Variants in IRAG1 observed in about 807,000 individuals in gnomAD.
IRAG1 encodes inositol 1,4,5-triphosphate receptor associated 1.
Under a neutral mutation model 106.2 loss-of-function variants are expected in IRAG1, and 62 were observed. The ratio of observed to expected loss-of-function variants is 0.58; its 90% CI spans 0.48 to 0.72. The LOEUF is 0.72. IRAG1 is among the 30% of genes least tolerant of loss of function. The pLI, the probability that IRAG1 is intolerant of heterozygous loss-of-function variation, is 0.00. For synonymous variants in IRAG1, 462 were observed against 443.9 expected (o/e 1.04, Z -0.51); for missense variants, 1,064 against 1,140.7 (o/e 0.93, Z 0.97).
intron 11 of IRAG1, among the ~76,000 whole-genome samples, chr11:10,608,188 A>C (rs964681613): frequency 6.6e-6 from 1 of 152,132 alleles, no homozygotes; most frequent in Non-Finnish European, 1.5e-5. Context: ...GGATCACTGC[A>C]GAGGTGGCTT....
At chr11:10,664,693 T>C (rs115344121) in intron 1 of IRAG1, among the ~76,000 whole-genome samples, 3,424 of 152,246 alleles carry the variant, frequency 0.022, 128 homozygotes, top group African/African-American at 0.078. Flanking sequence ...ATCACAGTGA[T>C]TGGCTGGAGG....
intron 1 of IRAG1, among the ~76,000 whole-genome samples, chr11:10,658,215 T>C (rs774989467): frequency 6.6e-6 from 1 of 152,212 alleles, no homozygotes; most frequent in East Asian, 1.9e-4. Flanking sequence ...GTGAGCCGGA[T>C]GGGAAGCCTG....
At chr11:10,690,669 G>A (rs1302353617) in intron 1 of IRAG1, among the ~76,000 whole-genome samples, 1 of 152,154 alleles carries the variant, frequency 6.6e-6, no homozygotes, top group Non-Finnish European at 1.5e-5. Flanking sequence ...TTACTAACTA[G>A]CGGCAGGGTG....
At chr11:10,620,423 G>A (rs186839062) in intron 10 of IRAG1, among the ~76,000 whole-genome samples, 217 of 152,134 alleles carry the variant, frequency 1.4e-3, no homozygotes, top group Non-Finnish European at 2.3e-3. Context: ...AATGTATCAA[G>A]TTTACATATA....
intron 1 of IRAG1, among the ~76,000 whole-genome samples, chr11:10,679,103 C>G (rs891635095): frequency 2.0e-5 from 3 of 152,160 alleles, no homozygotes; most frequent in Non-Finnish European, 4.4e-5. Context: ...TGTGTCTATA[C>G]TGCTCCTTGG....
At chr11:10,690,531 G>A (rs1387202350) in intron 1 of IRAG1, among the ~76,000 whole-genome samples, 1 of 152,152 alleles carries the variant, frequency 6.6e-6, no homozygotes, top group African/African-American at 2.4e-5. Context: ...AGGCTGCCCT[G>A]GACTGTCGCC....
chr11:10,603,827 T>TAATGGAAAGGTGGTAGTCTGCAA (rs1341754027), intron 13 of IRAG1, among the ~76,000 whole-genome samples: 2 of 152,208 alleles, frequency 1.3e-5, no homozygotes, highest in South Asian at 2.1e-4. Context: ...ATGTAAGATA[T>TAATGGAAAGGTGGTAGTCTGCAA]AATGGAAAGG....
rs181902781 is a variant in IRAG1, at chr11:10,663,674, C to A, written c.68-11492G>T. ...TGGTTTCTGTTTCTCATTTGCAAAG[C>A]CTGAGGGCAGATAGCTTTCTTTTGT... On this transcript the variant is annotated intron_variant, in intron 1 of 20. Transcript: ENST00000423302. Among the ~76,000 whole-genome samples the A allele has an allele frequency of 3.7e-3, 560 of 152,304 alleles. 2 individuals are homozygous for A. The highest frequency in any genetic ancestry group is 5.6e-3 in the Non-Finnish European group (378 of 68,018).
chr11:10,639,452 G>A (rs1181303574), intron 2 of IRAG1, among the ~76,000 whole-genome samples: 10 of 152,172 alleles, frequency 6.6e-5, no homozygotes, highest in Non-Finnish European at 1.3e-4. Context: ...CGTGATCCAC[G>A]TGGCGCAGAC....
chr11:10,658,710 TCA>T, intron 1 of IRAG1: 1 of 196,486 alleles, frequency 5.1e-6, no homozygotes, highest in Non-Finnish European at 1.0e-5. Context: ...TGTGCTGTGG[TCA>T]GTCCCAGGTC....
chr11:10,582,021 A>T, intron 18 of IRAG1, 35 bp from the exon 19 acceptor site: 1 of 1,585,008 alleles, frequency 6.3e-7, no homozygotes, highest in Non-Finnish European at 8.6e-7. Context: ...GCATCATTTC[A>T]GAAAAAGGTG....
rs573130885 is a variant in IRAG1, at chr11:10,600,906, C to G, written c.2017+12G>C. The G allele has an allele frequency of 1.1e-5, 18 of 1,613,974 alleles. No individual in the cohort carries two copies. The South Asian group carries it at 2.0e-4, about 18-fold the overall frequency. On this transcript the variant is annotated intron_variant, in intron 15 of 20. Transcript: ENST00000423302. ...TGTAGGGCCAAGATGGGGCAGGAGC[C>G]TAGGTCCTTACCAGAGGGGCCACAG... is the stretch of plus-strand genomic sequence containing the variant.
In IRAG1 at chr11:10,631,895, C is replaced by A. The variant is rs77974559; in HGVS notation, c.400+96G>T. 12 of 954,670 alleles carry A rather than the reference C, an allele frequency of 1.3e-5. No individual in the cohort carries two copies. In the African/African-American group the frequency reaches 1.8e-4, roughly 14 times the overall value. 59.1% of individuals were successfully genotyped at this position (954,670 alleles called of 1,614,324 possible). On this transcript the variant is annotated intron_variant, in intron 4 of 20. Coordinates refer to ENST00000423302, the MANE Select transcript of IRAG1 (RefSeq NM_130385.4). ...TCCTGTTGGACTTATCGGGAGGGAG[C>A]GCCTTAAAGAGCAGGAGAGAGGAAG...
At chr11:10,602,427 GC>G (rs1210669934) in intron 14 of IRAG1, among the ~76,000 whole-genome samples, 1 of 152,166 alleles carries the variant, frequency 6.6e-6, no homozygotes. Flanking sequence ...TCAGTAAGGG[GC>G]CCAAGGTCAC....
chr11:10,635,936 G>A (rs1247430870), intron 2 of IRAG1, among the ~76,000 whole-genome samples: 1 of 152,192 alleles, frequency 6.6e-6, no homozygotes, highest in East Asian at 1.9e-4. Flanking sequence ...TACAGTGGCT[G>A]AAGGAAGAGG....
intron 10 of IRAG1, among the ~76,000 whole-genome samples, chr11:10,612,543 C>T (rs10466518): frequency 0.054 from 8,214 of 151,736 alleles, 504 homozygotes; most frequent in African/African-American, 0.15. Flanking sequence ...AACTAACCTA[C>T]AATACAATAT....
chr11:10,600,887 G>A (rs777727810), intron 15 of IRAG1, 31 bp downstream of exon 15: 1 of 1,612,972 alleles, frequency 6.2e-7, no homozygotes, highest in South Asian at 1.1e-5. Flanking sequence ...ACCTTGTAGG[G>A]CCAAGATGGG....
chr11:10,626,093 G>A lies in IRAG1; in HGVS notation c.1241C>T (p.Pro414Leu). ...AAAACGCTTTTCTTCCTCTGCCAGT[G>A]GCAGCTTGGCAAGCACTTTCTGCAG... is the stretch of plus-strand genomic sequence containing the variant. The part of the protein sequence containing the change: ...PRLQKVLAKL[P>L]LAEEEKRFAG... Residue 414 changes from proline (P) to leucine (L), a missense_variant, in exon 9 of 21, where the codon CCA becomes CTA. Coordinates refer to ENST00000423302, the MANE Select transcript of IRAG1 (RefSeq NM_130385.4). 6.5e-7 allele frequency: 1 copy of A among 1,545,036 alleles called. No homozygotes were observed. The highest frequency in any genetic ancestry group is 8.7e-7 in the Non-Finnish European group (1 of 1,145,380).
At chr11:10,599,140 T>C (rs1176170686) in intron 15 of IRAG1, among the ~76,000 whole-genome samples, 1 of 152,234 alleles carries the variant, frequency 6.6e-6, no homozygotes, top group African/African-American at 2.4e-5. Context: ...CTAGAGTGAA[T>C]GTGGGACTCT....
Sources: allele counts gnomAD v4.1 joint callset (sites outside exome capture counted in the v4.1 genomes callset), GRCh38; gene constraint gnomAD v4.1.1; transcripts MANE v1.5; gene names NCBI Gene and HGNC (gene_info 2026-07-23, HGNC 2026-07-21).